The following ACSF2 variants were observed in gnomAD, a reference collection of about 807,000 sequenced individuals.
ACSF2 encodes acyl-CoA synthetase family member 2, also known as medium-chain acyl-CoA ligase ACSF2, mitochondrial.
Under a neutral mutation model 79.3 loss-of-function variants are expected in ACSF2, and 52 were observed. The observed-to-expected ratio is 0.66, with a 90% CI of 0.53 to 0.83. ACSF2 has a LOEUF of 0.83. ACSF2 is among the 40% of genes least tolerant of loss of function. The pLI, the probability that ACSF2 is intolerant of heterozygous loss-of-function variation, is 0.00. For synonymous variants in ACSF2, 283 were observed against 312.6 expected (o/e 0.91, Z 1.00); for missense variants, 661 against 803.3 (o/e 0.82, Z 2.14).
chr17:50,470,394 G>A (rs1420119968), intron 10 of ACSF2, among the ~76,000 whole-genome samples: 2 of 152,136 alleles, frequency 1.3e-5, no homozygotes, highest in Non-Finnish European at 2.9e-5. Flanking sequence ...TGGAAATGGG[G>A]GAGGTGGGGT....
intron 4 of ACSF2, among the ~76,000 whole-genome samples, 199 bp downstream of exon 4, chr17:50,461,885 C>A (rs980193520): frequency 1.6e-4 from 24 of 151,168 alleles, no homozygotes; most frequent in Admixed American, 1.6e-3. Flanking sequence ...ACAAACCTGG[C>A]GTGAGTGTGC....
intron 1 of ACSF2, among the ~76,000 whole-genome samples, chr17:50,453,378 T>C (rs1319398806): frequency 2.0e-5 from 3 of 152,078 alleles, no homozygotes; most frequent in African/African-American, 4.8e-5. Flanking sequence ...AGCTAATTTT[T>C]TGTATTTTTA....
chr17:50,441,490 AG>A (rs1376109983), intron 1 of ACSF2, among the ~76,000 whole-genome samples: 5 of 152,160 alleles, frequency 3.3e-5, no homozygotes, highest in African/African-American at 1.2e-4. Context: ...GTCCTTTTTA[AG>A]TCACAGGGCT....
intron 1 of ACSF2, among the ~76,000 whole-genome samples, chr17:50,440,373 C>A (rs2030802404): frequency 6.6e-6 from 1 of 152,190 alleles, no homozygotes; most frequent in Admixed American, 6.5e-5. Flanking sequence ...GAGGCATTTC[C>A]ACCCCCCGAC....
rs145385788 is a variant in ACSF2, at chr17:50,454,989, G to A, written c.129-5688G>A. ...GGACTCCTGGTCATTGTGAGAATAG[G>A]AGGATGCTTGTTGTGAGGCTGAACA... On this transcript the variant is annotated intron_variant, in intron 1 of 15. Coordinates refer to ENST00000300441, the MANE Select transcript of ACSF2 (RefSeq NM_025149.6). 6.6e-5 allele frequency among the ~76,000 whole-genome samples: 10 copies of A among 152,264 alleles called. No homozygotes were observed. The East Asian group carries it at 1.9e-3, about 29-fold the overall frequency.
rs796246100 is a variant in ACSF2, at chr17:50,468,797, A to G, written c.1216-2231A>G. ...AGCCAGGAGGCCGAGGCTGAGCAAG[A>G]GCATTGGGCGGACCATGGCTGGGAC... On this transcript the variant is annotated intron_variant, in intron 10 of 15. Transcript: ENST00000300441. The G allele has an allele frequency of 1.3e-6, 2 of 1,551,138 alleles. No homozygotes were observed. The highest frequency in any genetic ancestry group is 2.7e-5 in the African/African-American group (2 of 73,626).
chr17:50,470,725 A>G (rs1406532075), intron 10 of ACSF2, among the ~76,000 whole-genome samples: 2 of 152,088 alleles, frequency 1.3e-5, no homozygotes, highest in Non-Finnish European at 2.9e-5. Context: ...CCGGAGCCAC[A>G]GGCACAGACA....
intron 1 of ACSF2, among the ~76,000 whole-genome samples, chr17:50,437,641 G>A (rs1598394204): frequency 6.6e-6 from 1 of 151,874 alleles, no homozygotes; most frequent in Admixed American, 6.6e-5. Context: ...GGGCAACAGA[G>A]TGAGACCCTG....
In ACSF2 at chr17:50,471,032, C is replaced by T; in HGVS notation, c.1220C>T (p.Ala407Val). Residue 407 changes from alanine to valine, a missense_variant, in exon 11 of 16, where the codon GCT becomes GTT. By Grantham distance (64) the Ala-to-Val change is moderately conservative. Transcript: ENST00000300441. The surrounding 1 kb of genome is among the most constrained non-coding windows in gnomAD (Gnocchi z 4.1). ...NKINMKDLVV[A>V]YGTTENSPVT... ...CACCCTTTCTGGACCCTCTAGGTTG[C>T]TTATGGAACCACAGAGAACAGTCCC... The T allele has an allele frequency of 1.2e-6, 2 of 1,613,940 alleles. No homozygotes were observed. The highest frequency in any genetic ancestry group is 1.7e-6 in the Non-Finnish European group (2 of 1,179,834).
chr17:50,458,538 G>T (rs1411601452), intron 1 of ACSF2, among the ~76,000 whole-genome samples: 1 of 152,104 alleles, frequency 6.6e-6, no homozygotes, highest in South Asian at 2.1e-4. Flanking sequence ...CGTCTTACAG[G>T]TGCTCCTAGG....
chr17:50,468,400 C>A (rs769091488), intron 10 of ACSF2: 2 of 1,614,238 alleles, frequency 1.2e-6, no homozygotes, highest in Non-Finnish European at 1.7e-6. Context: ...ACCCCCGGGG[C>A]AGCTCAGTGA....
chr17:50,439,208 C>T lies in ACSF2; in HGVS notation c.128+12819C>T, dbSNP rs973439019. 5.7e-5 allele frequency among the ~76,000 whole-genome samples: 8 copies of T among 140,108 alleles called. No individual in the cohort carries two copies. In the South Asian group the frequency reaches 1.7e-3, roughly 30 times the overall value. The allele number at this position is 140,108 out of a possible 152,430, so 91.9% of individuals were successfully genotyped here. ...AGTTCAACCTCCCGAGCAGCTGGAA[C>T]GACAGGTGCATGCTACCACACAGCT... On this transcript the variant is annotated intron_variant, in intron 1 of 15. Transcript: ENST00000300441.
At chr17:50,446,728 A>G (rs1853391770) in intron 1 of ACSF2, among the ~76,000 whole-genome samples, 1 of 152,180 alleles carries the variant, frequency 6.6e-6, no homozygotes, top group South Asian at 2.1e-4. Flanking sequence ...AGTTTTGCCT[A>G]TTTTGTACGT....
intron 1 of ACSF2, among the ~76,000 whole-genome samples, chr17:50,459,831 A>G (rs948732411): frequency 6.6e-6 from 1 of 152,098 alleles, no homozygotes; most frequent in African/African-American, 2.4e-5. Context: ...CTAGAACCCG[A>G]GCCAGGTCCC....
intron 1 of ACSF2, among the ~76,000 whole-genome samples, chr17:50,457,757 A>G (rs1431619430): frequency 6.6e-6 from 1 of 152,158 alleles, no homozygotes; most frequent in Non-Finnish European, 1.5e-5. Context: ...TGTCTTATCC[A>G]TCCCTGTATC....
Position 50,473,787 on chromosome 17 carries a change from C to G in ACSF2, c.1598C>G (p.Pro533Arg). 2 of 1,614,174 alleles carry G rather than the reference C, an allele frequency of 1.2e-6. No homozygotes were observed. The highest frequency in any genetic ancestry group is 1.7e-6 in the Non-Finnish European group (2 of 1,180,040). ...AELEDFFHTH[P>R]KVQEVQVVGV... ...CTCGAGGACTTCTTTCACACACACC[C>G]GAAGGTGCAGGAAGTGCAGGTGAGG... Residue 533 changes from proline (P) to arginine (R), a missense_variant, in exon 13 of 16, where the codon CCG (proline) becomes CGG (arginine). Transcript: ENST00000300441.
chr17:50,428,341 G>A (rs1488466762), intron 1 of ACSF2, among the ~76,000 whole-genome samples: 2 of 152,118 alleles, frequency 1.3e-5, no homozygotes, highest in South Asian at 2.1e-4. Context: ...TCAGCCGGGC[G>A]TGGTGGCATG....
At chr17:50,454,782 T>C (rs1272356690) in intron 1 of ACSF2, among the ~76,000 whole-genome samples, 2 of 152,148 alleles carry the variant, frequency 1.3e-5, no homozygotes, top group African/African-American at 4.8e-5. Flanking sequence ...TTGGGGTTTC[T>C]GTCACACCAC....
chr17:50,452,235 G>T (rs991624113), intron 1 of ACSF2, among the ~76,000 whole-genome samples: 3 of 152,158 alleles, frequency 2.0e-5, no homozygotes, highest in Admixed American at 6.5e-5. Flanking sequence ...TTAGTTCTGA[G>T]TTGAGAACAA....
Sources: gnomAD v4.1 joint callset for allele counts (sites outside exome capture counted in the v4.1 genomes callset) on GRCh38, gnomAD v4.1.1 for gene constraint, Gnocchi (gnomAD v3.1) non-coding constraint, MANE v1.5 for transcripts, NCBI Gene and HGNC (gene_info 2026-07-23, HGNC 2026-07-21) for gene names.